Variants in ASIC2 observed in about 807,000 individuals in gnomAD.
ASIC2 encodes the protein acid-sensing ion channel 2.
In ASIC2, 25 loss-of-function variants were observed where a neutral mutation model predicts 57.3. The observed-to-expected ratio is 0.44, with a 90% CI of 0.32 to 0.61. The LOEUF (loss-of-function observed/expected upper bound fraction) is 0.61, where lower values mean the gene tolerates loss of function less well. ASIC2 is among the 20% of genes least tolerant of loss of function. The pLI is 0.06. For synonymous variants in ASIC2, 319 were observed against 307.5 expected (o/e 1.04, Z -0.39); for missense variants, 641 against 738.1 (o/e 0.87, Z 1.52).
intron 1 of ASIC2, among the ~76,000 whole-genome samples, chr17:33,690,817 T>G (rs1415678880): frequency 6.9e-6 from 1 of 143,998 alleles, no homozygotes; most frequent in East Asian, 2.1e-4. Context: ...TGGCGCAATC[T>G]TGGCTCACTG....
intron 1 of ASIC2, chr17:33,931,130 T>C (rs1289885389): frequency 3.3e-5 from 5 of 152,034 alleles, no homozygotes; most frequent in Admixed American, 2.6e-4. Context: ...AGAAACCGAG[T>C]TGTGGAAGGA....
intron 1 of ASIC2, among the ~76,000 whole-genome samples, chr17:33,381,471 G>T (rs1909486032): frequency 6.6e-6 from 1 of 152,220 alleles, no homozygotes; most frequent in African/African-American, 2.4e-5. Flanking sequence ...TGGGCTTCCG[G>T]CAGCATCTGC....
In ASIC2 at chr17:33,865,774, A is replaced by AC. The variant is rs1567739115; in HGVS notation, c.555+290203_555+290204insG. Among the ~76,000 whole-genome samples the AC allele has an allele frequency of 6.4e-4, 60 of 94,400 alleles. 1 individual carries two copies. Among genetic ancestry groups the AC allele is most frequent in the African/African-American group, 2.5e-3 (59 of 24,056 alleles). The allele number at this position is 94,400 out of a possible 152,430, so 61.9% of individuals were successfully genotyped here. A position where few individuals can be genotyped will look rare whatever the true frequency, so the allele number is the denominator to read the frequency against. ...AAAAAAAAAATAAAAAAAAAAAACA[A>AC]AAAAAAAAACGTTTTTTTATTGAAC... is the stretch of plus-strand genomic sequence containing the variant. On this transcript the variant is annotated intron_variant, in intron 1 of 9. Coordinates refer to the ASIC2 transcript ENST00000359872.
At chr17:33,763,967 C>G (rs1910858711) in intron 1 of ASIC2, among the ~76,000 whole-genome samples, 1 of 152,140 alleles carries the variant, frequency 6.6e-6, no homozygotes, top group African/African-American at 2.4e-5. Context: ...GGGGGCTGCC[C>G]TCCTACCCCA....
At position 33,025,906 on chromosome 17, in the gene ASIC2, T is replaced by A; in HGVS notation, c.1195+20A>T. On this transcript the variant is annotated intron_variant, in intron 5 of 9. Coordinates refer to ENST00000225823, the MANE Select transcript of ASIC2 (RefSeq NM_183377.2). ...CAGGCCCCCGGCCCCCATGATTCCA[T>A]CTGTCCCCTGAGTACTGACCTAGGG... The A allele has an allele frequency of 6.3e-7, 1 of 1,590,438 alleles. No individual in the cohort carries two copies.
intron 1 of ASIC2, among the ~76,000 whole-genome samples, chr17:33,423,131 G>C (rs571809618): frequency 1.3e-5 from 2 of 152,268 alleles, no homozygotes; most frequent in South Asian, 4.2e-4. Context: ...TGTTGGCCTC[G>C]GTCATGGCCA....
At chr17:33,150,922 C>G (rs1343389128) in intron 1 of ASIC2, among the ~76,000 whole-genome samples, 1 of 148,438 alleles carries the variant, frequency 6.7e-6, no homozygotes, top group African/African-American at 2.5e-5. Context: ...CCCAGCTATT[C>G]GGGAGGCTGA....
intron 3 of ASIC2, among the ~76,000 whole-genome samples, chr17:33,074,948 C>G (rs555086789): frequency 1.3e-5 from 2 of 152,276 alleles, no homozygotes; most frequent in East Asian, 3.9e-4. Flanking sequence ...ACAGAGGCCT[C>G]CTCATGACAG....
intron 2 of ASIC2, among the ~76,000 whole-genome samples, chr17:33,096,772 C>T (rs2092181560): frequency 6.6e-6 from 1 of 152,084 alleles, no homozygotes; most frequent in Non-Finnish European, 1.5e-5. Context: ...TGTGTAGTAA[C>T]CAGAATGAAG....
intron 1 of ASIC2, among the ~76,000 whole-genome samples, chr17:33,779,118 G>C (rs1374398549): frequency 1.3e-5 from 2 of 152,098 alleles, no homozygotes; most frequent in Non-Finnish European, 2.9e-5. Context: ...CATGCAGGAC[G>C]GCCATGCAAT....
At chr17:33,715,109 C>G (rs902455567) in intron 1 of ASIC2, among the ~76,000 whole-genome samples, 2 of 151,966 alleles carry the variant, frequency 1.3e-5, no homozygotes, top group African/African-American at 4.8e-5. Context: ...AAGTGATCCT[C>G]TTGCCTCAGC....
chr17:33,441,267 A>C (rs1323627628), intron 1 of ASIC2, among the ~76,000 whole-genome samples: 1 of 152,028 alleles, frequency 6.6e-6, no homozygotes, highest in Non-Finnish European at 1.5e-5. Context: ...ACTGCACTGG[A>C]CTCATTTTCT....
At chr17:33,416,448 C>A (rs8066371) in intron 1 of ASIC2, among the ~76,000 whole-genome samples, 52,934 of 151,960 alleles carry the variant, frequency 0.35, 9,472 homozygotes, top group East Asian at 0.66. Flanking sequence ...ATGGGCCTTC[C>A]TCTTTGCTGA....
intron 1 of ASIC2, among the ~76,000 whole-genome samples, chr17:34,032,357 A>G (rs2142038160): frequency 6.6e-6 from 1 of 152,364 alleles, no homozygotes; most frequent in East Asian, 1.9e-4. Flanking sequence ...GAGCTCCTGA[A>G]GGAAGCACTA....
chr17:33,264,965 C>T (rs1206941003), intron 1 of ASIC2, among the ~76,000 whole-genome samples: 1 of 152,248 alleles, frequency 6.6e-6, no homozygotes, highest in East Asian at 1.9e-4. Flanking sequence ...TAGCTAAGAA[C>T]AGTTAAGGGG....
chr17:33,854,416 T>C (rs1246405569), intron 1 of ASIC2, among the ~76,000 whole-genome samples: 2 of 152,248 alleles, frequency 1.3e-5, no homozygotes, highest in Non-Finnish European at 2.9e-5. Context: ...TGTGCATGTT[T>C]ATGCACATGG....
At chr17:33,679,546 GA>G (rs1352681833) in intron 1 of ASIC2, among the ~76,000 whole-genome samples, 3 of 151,386 alleles carry the variant, frequency 2.0e-5, no homozygotes, top group African/African-American at 7.2e-5. Flanking sequence ...CACTCATAGA[GA>G]GAACCTTCTA....
chr17:33,825,078 C>T (rs1912866835), intron 1 of ASIC2, among the ~76,000 whole-genome samples: 1 of 152,198 alleles, frequency 6.6e-6, no homozygotes, highest in Non-Finnish European at 1.5e-5. Context: ...ATAGTAAGTC[C>T]TGAACAAATG....
intron 1 of ASIC2, among the ~76,000 whole-genome samples, chr17:33,203,054 G>A (rs923515477): frequency 6.6e-6 from 1 of 152,204 alleles, no homozygotes; most frequent in Non-Finnish European, 1.5e-5. Context: ...GTCTGCTCCA[G>A]TGAGCCCAGA....
Sources: gnomAD v4.1 joint callset for allele counts (sites outside exome capture counted in the v4.1 genomes callset) on GRCh38, gnomAD v4.1.1 for gene constraint, MANE v1.5 for transcripts, NCBI Gene and HGNC (gene_info 2026-07-23, HGNC 2026-07-21) for gene names.